The following CALN1 variants were observed in gnomAD, a reference collection of about 807,000 sequenced individuals.
CALN1 encodes calneuron 1.
CALN1 carries 17 observed loss-of-function variants against 30.6 expected under a neutral mutation model. The ratio of observed to expected loss-of-function variants is 0.56; its 90% CI spans 0.38 to 0.83. The LOEUF is 0.83. Ranked by LOEUF, CALN1 falls within the 40% of genes least tolerant of loss-of-function variation. The pLI is 0.00. For synonymous variants in CALN1, 156 were observed against 131.4 expected (o/e 1.19, Z -1.28); for missense variants, 291 against 354.9 (o/e 0.82, Z 1.45).
At chr7:72,348,807 G>T (rs1029109860) in intron 2 of CALN1, among the ~76,000 whole-genome samples, 10 of 152,318 alleles carry the variant, frequency 6.6e-5, no homozygotes, top group African/African-American at 2.4e-4. Context: ...TGATTCCCAA[G>T]TTACTAATCC....
At chr7:71,911,799 T>G (rs1290564606) in intron 5 of CALN1, among the ~76,000 whole-genome samples, 1 of 152,156 alleles carries the variant, frequency 6.6e-6, no homozygotes, top group East Asian at 1.9e-4. Context: ...TGCCTTTGGC[T>G]GCAATAAACT....
intron 2 of CALN1, among the ~76,000 whole-genome samples, chr7:72,340,010 T>G (rs1015523417): frequency 6.6e-5 from 10 of 152,078 alleles, no homozygotes; most frequent in African/African-American, 2.4e-4. Flanking sequence ...CCTTCAGTTG[T>G]TTTTCAGAAA....
chr7:72,173,776 T>C (rs192767362), intron 3 of CALN1, among the ~76,000 whole-genome samples: 1 of 152,228 alleles, frequency 6.6e-6, no homozygotes, highest in East Asian at 1.9e-4. Context: ...TCATCTTGTA[T>C]GTAAAAATGA....
chr7:72,106,450 A>ACAAGAAAAGAAAC (rs1298364373), intron 3 of CALN1, among the ~76,000 whole-genome samples, 156 bp from the exon 4 acceptor site: 3 of 151,888 alleles, frequency 2.0e-5, no homozygotes, highest in East Asian at 1.9e-4. Context: ...GAAGAAGAAC[A>ACAAGAAAAGAAAC]GAAGAAAAGA....
At chr7:72,363,725 T>A (rs1018061377) in intron 2 of CALN1, among the ~76,000 whole-genome samples, 2 of 5,496 alleles carry the variant, frequency 3.6e-4, no homozygotes, top group Non-Finnish European at 1.9e-3. Flanking sequence ...TAAAAAAAAC[T>A]TTTTTTTTTT....
the CALN1 span, among the ~76,000 whole-genome samples, chr7:72,495,486 A>C: frequency 6.6e-6 from 1 of 152,212 alleles, no homozygotes; most frequent in African/African-American, 2.4e-5. Flanking sequence ...TGCAGGGAAC[A>C]AGGCACAGTC....
chr7:72,222,151 G>A (rs1268934613), intron 3 of CALN1, among the ~76,000 whole-genome samples: 1 of 151,940 alleles, frequency 6.6e-6, no homozygotes, highest in Admixed American at 6.6e-5. Context: ...GCTTAAACCT[G>A]AGAGGCAGAG....
intron 3 of CALN1, among the ~76,000 whole-genome samples, chr7:72,166,614 A>G (rs1788542320): frequency 6.6e-6 from 1 of 152,226 alleles, no homozygotes; most frequent in African/African-American, 2.4e-5. Flanking sequence ...CCTCCTACCT[A>G]ACAGTCCTAA....
At chr7:72,326,466 T>C (rs1305159183) in intron 2 of CALN1, among the ~76,000 whole-genome samples, 1 of 152,204 alleles carries the variant, frequency 6.6e-6, no homozygotes, top group Non-Finnish European at 1.5e-5. Flanking sequence ...AGATGGAATA[T>C]GTGTTTATGT....
chr7:72,364,836 A>G (rs1803786690), intron 2 of CALN1, among the ~76,000 whole-genome samples: 1 of 152,336 alleles, frequency 6.6e-6, no homozygotes, highest in South Asian at 2.1e-4. Flanking sequence ...AGTATTCGAG[A>G]TCAGCCTTGC....
chr7:71,911,336 T>C lies in CALN1; in HGVS notation c.502-100844A>G, dbSNP rs150837129. ...AGAGATCTTGGCATTGATCTGAGGG[T>C]ATGCCATCACCCTGGGGATTCGTCT... On this transcript the variant is annotated intron_variant, in intron 5 of 6. Coordinates refer to ENST00000395275, the MANE Select transcript of CALN1 (RefSeq NM_031468.4). Among the ~76,000 whole-genome samples the C allele has an allele frequency of 3.1e-3, 465 of 151,850 alleles. 1 individual carries two copies. Among genetic ancestry groups the C allele is most frequent in the African/African-American group, 0.011 (447 of 41,388 alleles).
At chr7:72,395,963 A>T (rs1019852230) in intron 2 of CALN1, among the ~76,000 whole-genome samples, 13 of 152,006 alleles carry the variant, frequency 8.6e-5, no homozygotes, top group African/African-American at 3.1e-4. Context: ...AACTCACCAG[A>T]TACATTTTGA....
chr7:72,152,235 A>T (rs1359109422), intron 3 of CALN1, among the ~76,000 whole-genome samples: 4 of 152,074 alleles, frequency 2.6e-5, no homozygotes, highest in South Asian at 2.1e-4. Flanking sequence ...CAAAGCTATG[A>T]AGAGATTTCA....
At chr7:72,428,158 AT>A (rs1470387349) in intron 1 of CALN1, among the ~76,000 whole-genome samples, 24 of 152,218 alleles carry the variant, frequency 1.6e-4, no homozygotes, top group Admixed American at 1.0e-3. Flanking sequence ...AGGAATGATC[AT>A]ATATCTGTTC....
chr7:71,924,908 G>A (rs943343357), intron 5 of CALN1, among the ~76,000 whole-genome samples: 3 of 152,094 alleles, frequency 2.0e-5, no homozygotes, highest in African/African-American at 7.2e-5. Context: ...TGAATCAATA[G>A]AAATTGATTT....
chr7:72,176,351 T>C (rs779647222), intron 3 of CALN1, among the ~76,000 whole-genome samples: 6 of 152,196 alleles, frequency 3.9e-5, no homozygotes, highest in Non-Finnish European at 8.8e-5. Context: ...GCTGTTGGCA[T>C]ATGATAGAGT....
At chr7:72,366,997 AGTG>A (rs955830937) in intron 2 of CALN1, among the ~76,000 whole-genome samples, 1 of 152,228 alleles carries the variant, frequency 6.6e-6, no homozygotes, top group African/African-American at 2.4e-5. Flanking sequence ...CCACAACAAT[AGTG>A]AATAAATGAC....
intron 5 of CALN1, among the ~76,000 whole-genome samples, chr7:71,861,671 C>T (rs207468070): frequency 2.7e-5 from 4 of 147,654 alleles, no homozygotes; most frequent in Non-Finnish European, 4.4e-5. Flanking sequence ...CCCAGCTACT[C>T]GGGAGGCTGA....
rs574066976 is a variant in CALN1 at position 72,418,514 on chromosome 7, C to A, written c.-225-6239G>T. On this transcript the variant is annotated intron_variant, in intron 1 of 6. Transcript: ENST00000395276. ...TGCCCAGGGTGACTGTCGCACTGCA[C>A]CCTCCAGGGCTCTGGAAGACAGTAG... is the stretch of plus-strand genomic sequence containing the variant. Among the ~76,000 whole-genome samples, 88 of 152,290 alleles carry A rather than the reference C, an allele frequency of 5.8e-4. 1 individual carries two copies. Among genetic ancestry groups the A allele is most frequent in the African/African-American group, 2.1e-3 (88 of 41,552 alleles).
Sources: gnomAD v4.1 joint callset for allele counts (sites outside exome capture counted in the v4.1 genomes callset) on GRCh38, gnomAD v4.1.1 for gene constraint, MANE v1.5 for transcripts, NCBI Gene and HGNC (gene_info 2026-07-23, HGNC 2026-07-21) for gene names.